The following DOCK9 variants were observed in gnomAD, a reference collection of about 807,000 sequenced individuals.
DOCK9 encodes dedicator of cytokinesis protein 9.
A neutral mutation model predicts 263.3 loss-of-function variants in DOCK9; 89 were observed. The ratio of observed to expected loss-of-function variants is 0.34; its 90% CI spans 0.28 to 0.40. DOCK9 has a LOEUF of 0.40. Among genes scored for constraint, DOCK9 ranks in the 10% least tolerant of loss-of-function variants. DOCK9 has a pLI of 1.00. For synonymous variants in DOCK9, 976 were observed against 973.1 expected (o/e 1.00, Z -0.06); for missense variants, 2,140 against 2,603.4 (o/e 0.82, Z 3.87).
chr13:98,831,665 CTTAAGGCAGTGAAGACATTTT>C lies in DOCK9; in HGVS notation c.4415_4435del (p.Lys1472_Leu1478del). The C allele has an allele frequency of 6.2e-7, 1 of 1,613,510 alleles. No individual in the cohort carries two copies. The highest frequency in any genetic ancestry group is 8.5e-7 in the Non-Finnish European group (1 of 1,179,676). On this transcript the variant is annotated inframe_deletion, in exon 40 of 53. Transcript: ENST00000682017. Reference sequence around the variant, plus strand: ...GCAACTTACCTTATAAATTAAGGACCTTAAGGCAGTGAAGACATTTTTTAAAGCCGTTTCAGACTGATGTTT... The same window carrying C: ...GCAACTTACCTTATAAATTAAGGACCTTAAAGCCGTTTCAGACTGATGTTT...
intron 27 of DOCK9, among the ~76,000 whole-genome samples, chr13:98,875,017 T>A (rs2094292605): frequency 6.6e-6 from 1 of 152,074 alleles, no homozygotes; most frequent in African/African-American, 2.4e-5. Context: ...TGGTACTCAT[T>A]CTCCTATCCC....
intron 15 of DOCK9, among the ~76,000 whole-genome samples, chr13:98,888,927 AT>A (rs1420190412): frequency 6.6e-6 from 1 of 152,224 alleles, no homozygotes; most frequent in Admixed American, 6.5e-5. Context: ...CCATGTCAGT[AT>A]TTAATCAGTA....
chr13:98,888,268 C>A, intron 17 of DOCK9, 45 bp from the exon 18 acceptor site: 2 of 1,604,268 alleles, frequency 1.2e-6, no homozygotes, highest in South Asian at 1.1e-5. Flanking sequence ...AACAGAAAGT[C>A]AGACTATGTA....
chr13:98,831,771 C>A lies in DOCK9; in HGVS notation c.4330G>T (p.Asp1444Tyr). Residue 1444 changes from aspartate (D) to tyrosine (Y), a missense_variant, in exon 40 of 53, where the codon GAC becomes TAC. Transcript: ENST00000682017. ...TLAFKNQLLA[D>Y]HGHNPLMKKV... ...TTCATGAGAGGATTATGTCCATGGT[C>A]GGCCAGGAGCTGGTTCTTAAAACAC... 2.5e-6 allele frequency: 4 copies of A among 1,613,804 alleles called. No individual in the cohort carries two copies. The highest frequency in any genetic ancestry group is 3.4e-6 in the Non-Finnish European group (4 of 1,179,824).
intron 2 of DOCK9, among the ~76,000 whole-genome samples, chr13:98,941,644 G>A (rs2055870863): frequency 6.6e-6 from 1 of 152,184 alleles, no homozygotes; most frequent in Non-Finnish European, 1.5e-5. Flanking sequence ...CACAGCTGAG[G>A]ACAGGAGAGT....
intron 46 of DOCK9, 105 bp downstream of exon 46, chr13:98,810,064 T>C: frequency 1.3e-6 from 2 of 1,505,714 alleles, no homozygotes; most frequent in Admixed American, 1.7e-5. Flanking sequence ...CCCCCACTCA[T>C]CTCTGGCCCA....
chr13:98,918,425 CTATTTA>C (rs1457413632), intron 7 of DOCK9, among the ~76,000 whole-genome samples: 3 of 152,134 alleles, frequency 2.0e-5, no homozygotes, highest in Non-Finnish European at 4.4e-5. Context: ...CATATATTTT[CTATTTA>C]TATGTTATAC....
intron 38 of DOCK9, 94 bp from the exon 39 acceptor site, chr13:98,837,703 A>AG (rs2093057911): frequency 5.0e-6 from 2 of 401,996 alleles, no homozygotes; most frequent in Non-Finnish European, 7.8e-6. Context: ...ATTATTCAGA[A>AG]GGCCCACTTT....
At chr13:99,013,034 C>A (rs556827650) in intron 1 of DOCK9, among the ~76,000 whole-genome samples, 1 of 152,134 alleles carries the variant, frequency 6.6e-6, no homozygotes, top group Non-Finnish European at 1.5e-5. Context: ...ACTATAGAGC[C>A]AGGCACTGTT....
At chr13:98,843,662 T>C (rs1273489748) in intron 38 of DOCK9, among the ~76,000 whole-genome samples, 1 of 152,180 alleles carries the variant, frequency 6.6e-6, no homozygotes, top group African/African-American at 2.4e-5. Context: ...CTGAGGACAG[T>C]ATGCCACTGA....
intron 1 of DOCK9, among the ~76,000 whole-genome samples, chr13:99,030,924 G>A (rs1646113357): frequency 6.6e-6 from 1 of 152,076 alleles, no homozygotes; most frequent in African/African-American, 2.4e-5. Flanking sequence ...GAATTCATTT[G>A]TTGATTGCTA....
rs780071024 is a variant in DOCK9 at position 98,867,382 on chromosome 13, G to C, written c.3286+43C>G. On this transcript the variant is annotated intron_variant, in intron 30 of 52. Transcript: ENST00000682017. Reference sequence around the variant, plus strand: ...TTATCTTTTCTTATTGAAAATAAATGTCTCTGTTTGTGAAAAGGTTAATAG... The same window carrying C: ...TTATCTTTTCTTATTGAAAATAAATCTCTCTGTTTGTGAAAAGGTTAATAG... 8.6e-6 allele frequency: 9 copies of C among 1,047,792 alleles called. No homozygotes were observed. In the African/African-American group the frequency reaches 1.1e-4, roughly 13 times the overall value. The allele number at this position is 1,047,792 out of a possible 1,614,324, so 64.9% of individuals were successfully genotyped here. A position where few individuals can be genotyped will look rare whatever the true frequency, so the allele number is the denominator to read the frequency against.
intron 1 of DOCK9, among the ~76,000 whole-genome samples, chr13:98,958,281 T>A (rs547220841): frequency 1.3e-5 from 2 of 152,310 alleles, no homozygotes; most frequent in East Asian, 3.9e-4. Flanking sequence ...TTCCCCCCAG[T>A]GGGTGGCTCC....
intron 45 of DOCK9, among the ~76,000 whole-genome samples, chr13:98,814,461 A>C (rs1275294742): frequency 6.8e-6 from 1 of 146,672 alleles, no homozygotes; most frequent in Non-Finnish European, 1.5e-5. Flanking sequence ...ACTGGAGTGC[A>C]GTGGCACAAT....
rs553582143 is a variant in DOCK9 at position 98,794,595 on chromosome 13, C to A, written c.*31G>T. The A allele has an allele frequency of 4.5e-6, 7 of 1,555,878 alleles. No homozygotes were observed. The East Asian group carries it at 1.5e-4, about 32-fold the overall frequency. On this transcript the variant is annotated 3_prime_UTR_variant, in exon 53 of 53. Transcript: ENST00000682017. ...CATCCTGAGTTTGCAAATGACAAAG[C>A]AAGTCCCCACACACGGGCCATGAGA...
exon 1 of DOCK9, chr13:99,086,284 G>A (rs1197844880): frequency 4.0e-6 from 6 of 1,495,594 alleles, no homozygotes; most frequent in Admixed American, 2.2e-5. Context: ...CGCCGTGCCC[G>A]GCTTACTCAG....
At chr13:99,016,296 A>G (rs543826328) in intron 1 of DOCK9, among the ~76,000 whole-genome samples, 1 of 152,330 alleles carries the variant, frequency 6.6e-6, no homozygotes, top group East Asian at 1.9e-4. Context: ...GCACGTATGG[A>G]TAACAGCTTG....
intron 27 of DOCK9, among the ~76,000 whole-genome samples, chr13:98,869,651 C>G (rs1232696417): frequency 1.3e-5 from 2 of 152,240 alleles, no homozygotes; most frequent in East Asian, 3.8e-4. Flanking sequence ...ACTAACTGAC[C>G]TTTAATAAAA....
intron 24 of DOCK9, 55 bp from the exon 25 acceptor site, chr13:98,881,682 A>T: frequency 6.6e-7 from 1 of 1,517,156 alleles, no homozygotes; most frequent in Non-Finnish European, 9.0e-7. Flanking sequence ...GAAACATTTC[A>T]TTATTATCAC....
Sources: allele counts gnomAD v4.1 joint callset (sites outside exome capture counted in the v4.1 genomes callset), GRCh38; gene constraint gnomAD v4.1.1; transcripts MANE v1.5; gene names NCBI Gene and HGNC (gene_info 2026-07-23, HGNC 2026-07-21).